Variants in LRRC4C observed in about 807,000 individuals in gnomAD.
LRRC4C encodes leucine-rich repeat-containing protein 4C.
Under a neutral mutation model 33.6 loss-of-function variants are expected in LRRC4C, and 5 were observed. That is an observed-to-expected ratio of 0.15 (90% confidence interval 0.08 to 0.31). LRRC4C has a LOEUF of 0.31. LRRC4C is among the 10% of genes least tolerant of loss of function. The probability of loss-of-function intolerance (pLI) is 1.00; values close to 1 mark genes in which losing one functional copy is unlikely to be tolerated. For synonymous variants in LRRC4C, 329 were observed against 302.0 expected, an observed-to-expected ratio of 1.09 and a Z score of -0.93; for missense variants, 560 against 796.7, an observed-to-expected ratio of 0.70 and a Z score of 3.58.
intron 1 of LRRC4C, among the ~76,000 whole-genome samples, chr11:41,374,315 T>C (rs1407840994): frequency 3.3e-5 from 5 of 152,152 alleles, no homozygotes; most frequent in Admixed American, 6.6e-5. Context: ...GTGCATACAA[T>C]TTTAGAACAG....
chr11:40,583,400 C>A (rs1384135116), intron 3 of LRRC4C, among the ~76,000 whole-genome samples: 1 of 152,192 alleles, frequency 6.6e-6, no homozygotes, highest in Non-Finnish European at 1.5e-5. Context: ...CACTGTAGCA[C>A]CTTTAATGGT....
intron 5 of LRRC4C, among the ~76,000 whole-genome samples, chr11:40,228,807 T>G (rs1864992958): frequency 6.6e-6 from 1 of 152,228 alleles, no homozygotes; most frequent in South Asian, 2.1e-4. Flanking sequence ...AAGTATGAAG[T>G]AAGTTCCACT....
At chr11:41,330,572 T>C (rs1241390306) in intron 1 of LRRC4C, among the ~76,000 whole-genome samples, 2 of 152,050 alleles carry the variant, frequency 1.3e-5, no homozygotes, top group African/African-American at 4.8e-5. Context: ...ATGCAGATTG[T>C]TTTTTCTTCT....
rs977096979 is a variant in LRRC4C, at chr11:40,911,185, T to G, written c.-407+22450A>C. On this transcript the variant is annotated intron_variant, in intron 2 of 6. Coordinates refer to ENST00000528697, the MANE Select transcript of LRRC4C (RefSeq NM_001258419.2). ...GACCTAAATGTCCCTGTCTGACAGC[T>G]TGGAAGAGAGTAGTGATTCTCCCAG... 2.6e-5 allele frequency among the ~76,000 whole-genome samples: 4 copies of G among 152,146 alleles called. No individual in the cohort carries two copies. In the South Asian group the frequency reaches 8.3e-4, roughly 32 times the overall value.
chr11:40,614,550 G>T (rs139079588), intron 3 of LRRC4C, among the ~76,000 whole-genome samples: 11 of 142,426 alleles, frequency 7.7e-5, no homozygotes, highest in Admixed American at 3.0e-4. Flanking sequence ...AGTAGTACTT[G>T]TAATTTTCTT....
chr11:40,130,646 C>A (rs1043299040), intron 6 of LRRC4C, among the ~76,000 whole-genome samples: 27 of 152,182 alleles, frequency 1.8e-4, no homozygotes, highest in African/African-American at 6.5e-4. Context: ...TGTCTCCAGA[C>A]ACTGCCAAAT....
At chr11:41,253,142 G>T (rs949570137) in intron 1 of LRRC4C, among the ~76,000 whole-genome samples, 1 of 152,056 alleles carries the variant, frequency 6.6e-6, no homozygotes, top group Non-Finnish European at 1.5e-5. Flanking sequence ...AACTTTGAAG[G>T]CACCAATGGA....
intron 3 of LRRC4C, among the ~76,000 whole-genome samples, chr11:40,337,048 C>T (rs151319040): frequency 1.8e-4 from 27 of 146,490 alleles, no homozygotes; most frequent in African/African-American, 5.9e-4. Flanking sequence ...TGGTCAGGGA[C>T]GTCCTCACCA....
intron 1 of LRRC4C, among the ~76,000 whole-genome samples, chr11:41,301,679 C>A (rs1262926463): frequency 6.6e-6 from 1 of 152,044 alleles, no homozygotes; most frequent in East Asian, 1.9e-4. Flanking sequence ...TCTTATAATT[C>A]CATCTTTTTA....
chr11:40,467,879 T>C (rs1176950226), intron 3 of LRRC4C, among the ~76,000 whole-genome samples: 3 of 152,106 alleles, frequency 2.0e-5, no homozygotes, highest in African/African-American at 7.2e-5. Flanking sequence ...ATCACTGCCA[T>C]TTTTTATTTG....
chr11:41,195,174 T>C (rs1050908865), intron 1 of LRRC4C, among the ~76,000 whole-genome samples: 7 of 152,086 alleles, frequency 4.6e-5, no homozygotes, highest in Admixed American at 4.6e-4. Flanking sequence ...TTTCCCCAGG[T>C]TTTCTCTTTA....
At chr11:40,804,523 GGCTAATAA>G in intron 2 of LRRC4C, among the ~76,000 whole-genome samples, 1 of 152,204 alleles carries the variant, frequency 6.6e-6, no homozygotes, top group Non-Finnish European at 1.5e-5. Context: ...TCAGTCACTT[GGCTAATAA>G]GCCTTCTCTG....
At chr11:40,297,552 A>G (rs10128537) in intron 4 of LRRC4C, among the ~76,000 whole-genome samples, 64,049 of 151,718 alleles carry the variant, frequency 0.42, 13,770 homozygotes, top group Admixed American at 0.55. Context: ...AATATAGATA[A>G]AAGGTCCTAA....
At chr11:40,836,484 G>C (rs1277440485) in intron 2 of LRRC4C, among the ~76,000 whole-genome samples, 1 of 152,136 alleles carries the variant, frequency 6.6e-6, no homozygotes, top group Non-Finnish European at 1.5e-5. Context: ...GCACTCTTTA[G>C]GGGGCATCAA....
Position 40,589,216 on chromosome 11 carries a change from C to T in LRRC4C, c.-270+58926G>A, listed in dbSNP as rs540586498. ...TTAGCTCTTCTTGTTGAATTGATCC[C>T]TTTACCATTATGTAATGGTCTTCTT... On this transcript the variant is annotated intron_variant, in intron 3 of 6. Transcript: ENST00000528697. Among the ~76,000 whole-genome samples, 15 of 152,138 alleles carry T rather than the reference C, an allele frequency of 9.9e-5. No homozygotes were observed. In the East Asian group the frequency reaches 2.9e-3, roughly 29 times the overall value.
chr11:40,717,287 T>C (rs1045909994), intron 2 of LRRC4C, among the ~76,000 whole-genome samples: 5 of 147,736 alleles, frequency 3.4e-5, no homozygotes, highest in Admixed American at 6.8e-5. Context: ...TTTTTTTTTT[T>C]CAAGAAAATG....
chr11:41,257,777 TGCC>T (rs1269789535), intron 1 of LRRC4C, among the ~76,000 whole-genome samples: 3 of 152,064 alleles, frequency 2.0e-5, no homozygotes, highest in African/African-American at 7.2e-5. Context: ...GGCTCTACTT[TGCC>T]AGAGTGACTT....
chr11:41,138,265 G>A (rs1257169195), intron 1 of LRRC4C, among the ~76,000 whole-genome samples: 1 of 152,202 alleles, frequency 6.6e-6, no homozygotes, highest in East Asian at 1.9e-4. Context: ...CAGTGTCATA[G>A]GACATTTGGA....
rs182440799 is a variant in LRRC4C at position 41,255,093 on chromosome 11, A to G, written c.-496+204338T>C. 9.2e-5 allele frequency among the ~76,000 whole-genome samples: 14 copies of G among 152,170 alleles called. No individual in the cohort carries two copies. In the East Asian group the frequency reaches 2.5e-3, roughly 27 times the overall value. ...AAAAACTAAAGAGGTAATGCAAGTT[A>G]GAATACTATACCATTCCCTAAAAGC... On this transcript the variant is annotated intron_variant, in intron 1 of 6. Coordinates refer to ENST00000528697, the MANE Select transcript of LRRC4C (RefSeq NM_001258419.2).
Sources: gnomAD v4.1 joint callset for allele counts (sites outside exome capture counted in the v4.1 genomes callset) on GRCh38, gnomAD v4.1.1 for gene constraint, MANE v1.5 for transcripts, NCBI Gene and HGNC (gene_info 2026-07-23, HGNC 2026-07-21) for gene names.